The following ENPP3 variants were observed in gnomAD, a reference collection of about 807,000 sequenced individuals.
ENPP3 encodes the protein ectonucleotide pyrophosphatase/phosphodiesterase family member 3.
ENPP3 carries 104 observed loss-of-function variants against 117.8 expected under a neutral mutation model. The observed-to-expected ratio is 0.88, with a 90% CI of 0.75 to 1.04. ENPP3 has a LOEUF of 1.04. Ranked by LOEUF, ENPP3 falls within the 50% of genes least tolerant of loss-of-function variation. ENPP3 has a pLI of 0.00. For synonymous variants in ENPP3, 380 were observed against 349.9 expected, an observed-to-expected ratio of 1.09 and a Z score of -0.96; for missense variants, 1,026 against 1,051.9, an observed-to-expected ratio of 0.98 and a Z score of 0.34.
chr6:131,675,238 G>T (rs1232573476), intron 9 of ENPP3, 49 bp downstream of exon 9: 1 of 1,194,506 alleles, frequency 8.4e-7, no homozygotes, highest in East Asian at 2.3e-5. Context: ...AAATGATCAA[G>T]ATGTTTTCTG....
chr6:131,726,994 A>C (rs73554727), intron 20 of ENPP3, among the ~76,000 whole-genome samples: 13,446 of 152,266 alleles, frequency 0.088, 1,015 homozygotes, highest in East Asian at 0.33. Context: ...AAGAAGAACA[A>C]CATTAAAAAT....
intron 5 of ENPP3, among the ~76,000 whole-genome samples, chr6:131,657,204 G>C (rs1197541978): frequency 6.6e-6 from 1 of 151,938 alleles, no homozygotes; most frequent in Non-Finnish European, 1.5e-5. Context: ...CATACTATAG[G>C]ATGAACTATG....
At chr6:131,648,560 C>G (rs1399690693) in intron 2 of ENPP3, among the ~76,000 whole-genome samples, 1 of 151,936 alleles carries the variant, frequency 6.6e-6, no homozygotes, top group African/African-American at 2.4e-5. Flanking sequence ...ATCTGCAATT[C>G]CCAGCACAGT....
intron 24 of ENPP3, among the ~76,000 whole-genome samples, chr6:131,746,499 C>T (rs1585748618): frequency 6.6e-6 from 1 of 151,836 alleles, no homozygotes; most frequent in Admixed American, 6.6e-5. Flanking sequence ...AACAGAGGAG[C>T]CCTGGGGACT....
chr6:131,721,066 A>G (rs565157374), intron 17 of ENPP3, among the ~76,000 whole-genome samples: 166 of 152,334 alleles, frequency 1.1e-3, no homozygotes, highest in African/African-American at 3.7e-3. Flanking sequence ...GCATAAAAAC[A>G]TGGGAAAAAA....
chr6:131,680,224 A>G (rs1224120546), intron 11 of ENPP3, among the ~76,000 whole-genome samples: 3 of 152,160 alleles, frequency 2.0e-5, no homozygotes, highest in African/African-American at 7.2e-5. Context: ...ATGGAAGAAG[A>G]TATAACTGAG....
chr6:131,737,912 A>G (rs1719830415), intron 22 of ENPP3, 119 bp from the exon 23 acceptor site: 1 of 664,320 alleles, frequency 1.5e-6, no homozygotes, highest in African/African-American at 1.9e-5. Flanking sequence ...TTACCCAATC[A>G]TCACTGGCAA....
Position 131,679,026 on chromosome 6 carries a change from CTTCTTTCTTTCT to C in ENPP3, c.1011+1137_1011+1148del, listed in dbSNP as rs1188919565. ...GCTTCCTTCCTTCCTTCCTTCCTTC[CTTCTTTCTTTCT>C]TTCTTTCTTTCTTTCTTTCTTTCTT... On this transcript the variant is annotated intron_variant, in intron 11 of 24. Coordinates refer to ENST00000357639, the MANE Select transcript of ENPP3 (RefSeq NM_005021.5). Among the ~76,000 whole-genome samples, 18 of 47,862 alleles carry C rather than the reference CTTCTTTCTTTCT, an allele frequency of 3.8e-4. 3 individuals are homozygous for C. The highest frequency in any genetic ancestry group is 1.5e-3 in the African/African-American group (13 of 8,628). The allele number at this position is 47,862 out of a possible 152,430, so 31.4% of individuals were successfully genotyped here.
chr6:131,674,269 G>T lies in ENPP3; in HGVS notation c.750G>T (p.Trp250Cys), dbSNP rs768342066. 1.2e-6 allele frequency: 2 copies of T among 1,613,704 alleles called. No individual in the cohort carries two copies. The highest frequency in any genetic ancestry group is 1.1e-5 in the South Asian group (1 of 91,064). The change falls in exon 8 of 25, where the codon TGG becomes TGT. Residue 250 changes from tryptophan (W) to cysteine (C), a missense_variant. Coordinates refer to ENST00000357639, the MANE Select transcript of ENPP3 (RefSeq NM_005021.5). ...SSKEQNNPAW[W>C]HGQPMWLTAM... Reference sequence around the variant, plus strand: ...AGGAACAAAATAATCCAGCCTGGTGGCATGGGCAACCAGTATGTAGCATTC... The same window carrying T: ...AGGAACAAAATAATCCAGCCTGGTGTCATGGGCAACCAGTATGTAGCATTC...
At chr6:131,718,856 C>A (rs1585713025) in intron 16 of ENPP3, 118 bp downstream of exon 16, 1 of 566,658 alleles carries the variant, frequency 1.8e-6, no homozygotes, top group South Asian at 3.0e-5. Flanking sequence ...CAGATTATTT[C>A]ATTACTCAGA....
intron 16 of ENPP3, among the ~76,000 whole-genome samples, chr6:131,719,008 G>A (rs923750177): frequency 1.2e-4 from 18 of 152,162 alleles, no homozygotes; most frequent in Middle Eastern, 6.8e-3. Flanking sequence ...TTCTAAGAGG[G>A]GGATACAGAC....
intron 15 of ENPP3, chr6:131,709,644 G>A (rs774716682): frequency 1.0e-4 from 167 of 1,611,358 alleles, no homozygotes; most frequent in African/African-American, 7.8e-4. Context: ...CTCTTTTCTC[G>A]TAGGAAATAA....
intron 13 of ENPP3, 110 bp downstream of exon 13, chr6:131,685,605 T>G: frequency 9.7e-7 from 1 of 1,034,120 alleles, no homozygotes; most frequent in Non-Finnish European, 1.4e-6. Flanking sequence ...ACTGACTTCT[T>G]GAGAAGACCA....
intron 15 of ENPP3, among the ~76,000 whole-genome samples, chr6:131,701,884 G>GAAAAAAAAAAAAAAAAAAAAAAAA (rs1170025527): frequency 1.0e-5 from 1 of 96,980 alleles, no homozygotes. Flanking sequence ...TCTGTCTCCA[G>GAAAAAAAAAAAAAAAAAAAAAAAA]AAAAAAAAAA....
intron 11 of ENPP3, among the ~76,000 whole-genome samples, chr6:131,679,956 C>T (rs1183762983): frequency 6.6e-6 from 1 of 152,142 alleles, no homozygotes; most frequent in Non-Finnish European, 1.5e-5. Context: ...AGAGGAAGCC[C>T]AGAGAAGGAG....
At chr6:131,648,212 G>C (rs1410806770) in intron 2 of ENPP3, among the ~76,000 whole-genome samples, 1 of 151,376 alleles carries the variant, frequency 6.6e-6, no homozygotes, top group Non-Finnish European at 1.5e-5. Flanking sequence ...TCAAACTATA[G>C]TAGGATGAAT....
chr6:131,719,382 A>AAT (rs1779966716), intron 16 of ENPP3, among the ~76,000 whole-genome samples: 1 of 133,126 alleles, frequency 7.5e-6, no homozygotes, highest in African/African-American at 3.0e-5. Flanking sequence ...TTCCATTTGT[A>AAT]ACACACACAC....
chr6:131,724,474 C>T (rs548285607), intron 19 of ENPP3, among the ~76,000 whole-genome samples: 5 of 152,192 alleles, frequency 3.3e-5, no homozygotes, highest in African/African-American at 7.2e-5. Flanking sequence ...CTGTAATAAC[C>T]GTACTCACCT....
intron 15 of ENPP3, chr6:131,709,632 T>C: frequency 1.2e-6 from 2 of 1,611,650 alleles, no homozygotes; most frequent in Non-Finnish European, 1.7e-6. Flanking sequence ...AATTATCATG[T>C]CCTCTTTTCT....
Sources: gnomAD v4.1 joint callset for allele counts (sites outside exome capture counted in the v4.1 genomes callset) on GRCh38, gnomAD v4.1.1 for gene constraint, MANE v1.5 for transcripts, NCBI Gene and HGNC (gene_info 2026-07-23, HGNC 2026-07-21) for gene names.